The following FBXW7 variants were observed in gnomAD, a reference collection of about 807,000 sequenced individuals.
FBXW7 encodes F-box/WD repeat-containing protein 7.
FBXW7 carries 11 observed loss-of-function variants against 86.3 expected under a neutral mutation model. The ratio of observed to expected loss-of-function variants is 0.13; its 90% confidence interval spans 0.08 to 0.21. FBXW7 has a LOEUF of 0.21. Ranked by LOEUF, FBXW7 falls within the 10% of genes least tolerant of loss-of-function variation. The pLI, the probability that FBXW7 is intolerant of heterozygous loss-of-function variation, is 1.00. For missense variants in FBXW7, 488 were observed against 847.4 expected, an observed-to-expected ratio of 0.58 and a Z score of 5.27; for synonymous variants, 313 against 297.9, an observed-to-expected ratio of 1.05 and a Z score of -0.52.
chr4:152,531,147 A>G (rs1166808471), intron 2 of FBXW7, among the ~76,000 whole-genome samples: 1 of 152,186 alleles, frequency 6.6e-6, no homozygotes, highest in Non-Finnish European at 1.5e-5. Flanking sequence ...ACATGAAGTT[A>G]CCACTCTTCC....
intron 5 of FBXW7, 29 bp from the exon 6 acceptor site, chr4:152,347,100 A>C: frequency 6.4e-7 from 1 of 1,569,844 alleles, no homozygotes. Flanking sequence ...GAGAGAGAGA[A>C]AGGATAAAAG....
intron 4 of FBXW7, chr4:152,353,006 C>G: frequency 8.1e-7 from 1 of 1,232,506 alleles, no homozygotes; most frequent in East Asian, 3.2e-5. Flanking sequence ...AGAGACCGCC[C>G]CCACACGACA....
chr4:152,528,613 T>C (rs1749740665), intron 2 of FBXW7, among the ~76,000 whole-genome samples: 2 of 152,218 alleles, frequency 1.3e-5, no homozygotes, highest in Admixed American at 1.3e-4. Flanking sequence ...AATTCTTAAG[T>C]TGTAATAGGA....
chr4:152,529,210 C>A (rs1027135693), intron 2 of FBXW7, among the ~76,000 whole-genome samples: 11 of 151,914 alleles, frequency 7.2e-5, no homozygotes, highest in Admixed American at 6.6e-5. Flanking sequence ...AGGCTTGGGA[C>A]AATGATAAAA....
In FBXW7 at chr4:152,535,667, C is replaced by G; in HGVS notation, c.-753G>C. ...CATGTGTCGCTGCGGCTGGGACCCC[C>G]CTCCCTACACCTTGGGGGTCTCGCC... On this transcript the variant is annotated 5_prime_UTR_variant, in exon 1 of 14. Coordinates refer to ENST00000281708, the MANE Select transcript of FBXW7 (RefSeq NM_001349798.2). The G allele has an allele frequency of 2.5e-6, 1 of 396,326 alleles. No individual in the cohort carries two copies. Among genetic ancestry groups the G allele is most frequent in the Non-Finnish European group, 4.5e-6 (1 of 224,454 alleles). 24.6% of individuals were successfully genotyped at this position (396,326 alleles called of 1,614,324 possible).
intron 11 of FBXW7, 144 bp from the exon 12 acceptor site, chr4:152,326,375 A>C: frequency 1.5e-6 from 1 of 654,322 alleles, no homozygotes. Context: ...CCATTTTCAA[A>C]AGAAATCCTA....
At chr4:152,332,456 T>A in intron 8 of FBXW7, 140 bp downstream of exon 8, 2 of 764,742 alleles carry the variant, frequency 2.6e-6, no homozygotes, top group Non-Finnish European at 3.6e-6. Flanking sequence ...CTGTTAAGAT[T>A]CGGCTCATCT....
chr4:152,471,467 A>T (rs1208080712), intron 2 of FBXW7, among the ~76,000 whole-genome samples: 1 of 109,818 alleles, frequency 9.1e-6, no homozygotes, highest in Non-Finnish European at 1.8e-5. Flanking sequence ...GAGGGAAGGA[A>T]GGAGGGAAGC....
rs1177515742 is a variant in FBXW7 at position 152,322,468 on chromosome 4, T to C, written c.*413A>G. 1 of 242,938 alleles carries C rather than the reference T, an allele frequency of 4.1e-6. No homozygotes were observed. The highest frequency in any genetic ancestry group is 2.2e-5 in the African/African-American group (1 of 45,538). 15.0% of individuals were successfully genotyped at this position (242,938 alleles called of 1,614,324 possible). ...AGTCAACCAGTACTTGTTTTGATAT[T>C]ATTGCAGTTCCTTTCTAGGTGTCTA... On this transcript the variant is annotated 3_prime_UTR_variant, in exon 14 of 14. Coordinates refer to ENST00000281708, the MANE Select transcript of FBXW7 (RefSeq NM_001349798.2).
intron 2 of FBXW7, among the ~76,000 whole-genome samples, chr4:152,424,078 C>T (rs1431579985): frequency 6.6e-6 from 1 of 152,036 alleles, no homozygotes; most frequent in East Asian, 1.9e-4. Context: ...CACTATGTTG[C>T]CCAGGCTTGA....
chr4:152,367,095 G>T (rs1412205852), intron 4 of FBXW7, among the ~76,000 whole-genome samples: 1 of 152,118 alleles, frequency 6.6e-6, no homozygotes, highest in East Asian at 1.9e-4. Context: ...TTGGACACAG[G>T]GCTGGGAACA....
chr4:152,513,285 T>C (rs1189645498), intron 2 of FBXW7, among the ~76,000 whole-genome samples: 2 of 152,164 alleles, frequency 1.3e-5, no homozygotes, highest in Non-Finnish European at 2.9e-5. Context: ...CTGCAGGATA[T>C]GCAAAGAGAT....
At chr4:152,339,323 ATG>A (rs1730478362) in intron 6 of FBXW7, among the ~76,000 whole-genome samples, 1 of 152,206 alleles carries the variant, frequency 6.6e-6, no homozygotes, top group Admixed American at 6.5e-5. Context: ...ACTCATAAAC[ATG>A]TATATGTACA....
intron 4 of FBXW7, among the ~76,000 whole-genome samples, chr4:152,357,998 T>C (rs566498340): frequency 5.7e-4 from 87 of 152,254 alleles, no homozygotes; most frequent in Middle Eastern, 6.8e-3. Context: ...GTGCAATAAT[T>C]TGACAACAAA....
chr4:152,328,176 G>T, intron 11 of FBXW7, 32 bp downstream of exon 11: 2 of 1,558,240 alleles, frequency 1.3e-6, no homozygotes, highest in African/African-American at 2.8e-5. Flanking sequence ...AATAGAGGAA[G>T]AAGTCCCAAC....
At chr4:152,335,070 G>A (rs1014947471) in intron 7 of FBXW7, among the ~76,000 whole-genome samples, 7 of 152,082 alleles carry the variant, frequency 4.6e-5, no homozygotes, top group Admixed American at 3.9e-4. Flanking sequence ...TTCTTACTAC[G>A]TATTATGAGG....
At chr4:152,475,393 C>T (rs1744304278) in intron 2 of FBXW7, among the ~76,000 whole-genome samples, 1 of 152,068 alleles carries the variant, frequency 6.6e-6, no homozygotes, top group South Asian at 2.1e-4. Flanking sequence ...TACCGGTGCA[C>T]TCCAGCCTTC....
intron 2 of FBXW7, among the ~76,000 whole-genome samples, chr4:152,472,810 T>A (rs1308858205): frequency 5.3e-5 from 8 of 152,274 alleles, no homozygotes; most frequent in Non-Finnish European, 1.0e-4. Flanking sequence ...GATGAAAAAT[T>A]ACCTCTCAAT....
chr4:152,515,225 T>C (rs934483932), intron 2 of FBXW7, among the ~76,000 whole-genome samples: 1 of 152,184 alleles, frequency 6.6e-6, no homozygotes, highest in African/African-American at 2.4e-5. Flanking sequence ...AAATTAAAAA[T>C]AGCCTGTCTC....
Sources: gnomAD v4.1 joint callset for allele counts (sites outside exome capture counted in the v4.1 genomes callset) on GRCh38, gnomAD v4.1.1 for gene constraint, MANE v1.5 for transcripts, NCBI Gene and HGNC (gene_info 2026-07-23, HGNC 2026-07-21) for gene names.